NHSL1: variants seen among roughly 807,000 people sequenced by gnomAD.
NHSL1 encodes the protein NHS like 1.
NHSL1 carries 48 observed loss-of-function variants against 95.0 expected under a neutral mutation model. That is an observed-to-expected ratio of 0.51 (90% CI 0.40 to 0.64). The LOEUF (loss-of-function observed/expected upper bound fraction) is 0.64. NHSL1 is among the 30% of genes least tolerant of loss of function. The pLI, the probability that NHSL1 is intolerant of heterozygous loss-of-function variation, is 0.00. For synonymous variants in NHSL1, 783 were observed against 833.9 expected, an observed-to-expected ratio of 0.94 and a Z score of 1.05; for missense variants, 1,971 against 2,077.7, an observed-to-expected ratio of 0.95 and a Z score of 1.00.
At chr6:138,504,604 A>G (rs1780862758) in intron 1 of NHSL1, among the ~76,000 whole-genome samples, 1 of 152,154 alleles carries the variant, frequency 6.6e-6, no homozygotes, top group African/African-American at 2.4e-5. Flanking sequence ...AGATGGAGAG[A>G]GGCAGGGCAG....
intron 1 of NHSL1, among the ~76,000 whole-genome samples, chr6:138,623,005 T>C (rs6928475): frequency 0.53 from 80,194 of 151,984 alleles, 22,298 homozygotes; most frequent in African/African-American, 0.7. Flanking sequence ...GAAAGTAACA[T>C]ACGCATAATA....
intron 1 of NHSL1, among the ~76,000 whole-genome samples, chr6:138,595,636 A>G (rs1426340253): frequency 1.3e-5 from 2 of 152,230 alleles, no homozygotes; most frequent in African/African-American, 4.8e-5. Context: ...TAACTTCAAT[A>G]TCATAGGGTA....
chr6:138,503,884 C>A (rs773907809), upstream of NHSL1, among the ~76,000 whole-genome samples: 4 of 149,994 alleles, frequency 2.7e-5, no homozygotes, highest in Admixed American at 6.6e-5. Flanking sequence ...GGACTATCAT[C>A]TTTTTTTTTT....
At chr6:138,425,667 C>T (rs188747888) in intron 7 of NHSL1, among the ~76,000 whole-genome samples, 113 of 152,282 alleles carry the variant, frequency 7.4e-4, no homozygotes, top group Middle Eastern at 3.4e-3. Flanking sequence ...TCCTTTCTTT[C>T]TATGCTTCCT....
rs1383232689 is a variant in NHSL1, at chr6:138,621,181, G to GA, written c.96+71294dup. Among the ~76,000 whole-genome samples the GA allele has an allele frequency of 5.9e-5, 9 of 152,198 alleles. No homozygotes were observed. The East Asian group carries it at 1.7e-3, about 29-fold the overall frequency. ...CGGAATCCTGAATAAAGAGATTGCT[G>GA]AAAAGGGTTAGTTTTGCTACAAATG... On this transcript the variant is annotated intron_variant, in intron 1 of 3. Transcript: ENST00000491526.
chr6:138,594,569 G>A (rs906524446), intron 1 of NHSL1, among the ~76,000 whole-genome samples: 3 of 152,074 alleles, frequency 2.0e-5, no homozygotes, highest in South Asian at 2.1e-4. Flanking sequence ...CTCCACAGAT[G>A]TATGGGCCCA....
chr6:138,556,125 T>C (rs1464604412), intron 1 of NHSL1, among the ~76,000 whole-genome samples: 1 of 151,092 alleles, frequency 6.6e-6, no homozygotes, highest in Non-Finnish European at 1.5e-5. Context: ...GAGAAGAAAA[T>C]GTGTGGTCAT....
At chr6:138,530,839 C>T (rs1310364895) in intron 1 of NHSL1, among the ~76,000 whole-genome samples, 1 of 152,108 alleles carries the variant, frequency 6.6e-6, no homozygotes. Flanking sequence ...GGATAAAAGA[C>T]CACATGTTGG....
In NHSL1 at chr6:138,624,474, C is replaced by T. The variant is rs532893871; in HGVS notation, c.96+68002G>A. ...GAGTCTGGTACTCTACCTGGAGCTA[C>T]ATAGAGAATTGAGAATAATTCATTC... On this transcript the variant is annotated intron_variant, in intron 1 of 3. Coordinates refer to the NHSL1 transcript ENST00000491526. Among the ~76,000 whole-genome samples the T allele has an allele frequency of 3.9e-5, 6 of 152,038 alleles. No individual in the cohort carries two copies. In the South Asian group the frequency reaches 1.2e-3, roughly 32 times the overall value.
At chr6:138,541,460 T>A (rs1488610374) in intron 1 of NHSL1, among the ~76,000 whole-genome samples, 1 of 152,350 alleles carries the variant, frequency 6.6e-6, no homozygotes, top group Non-Finnish European at 1.5e-5. Context: ...TTTTCAACAT[T>A]GTGTAACAAT....
chr6:138,630,592 C>T (rs9495168), intron 1 of NHSL1, among the ~76,000 whole-genome samples: 14,830 of 152,126 alleles, frequency 0.097, 893 homozygotes, highest in African/African-American at 0.17. Flanking sequence ...TCCATGTTGG[C>T]CAAGCTGGTC....
chr6:138,605,273 T>C (rs1784418278), intron 1 of NHSL1, among the ~76,000 whole-genome samples: 1 of 152,210 alleles, frequency 6.6e-6, no homozygotes, highest in South Asian at 2.1e-4. Flanking sequence ...TTGCCTAGGC[T>C]GGAGTGCAGT....
At chr6:138,662,886 A>G in intron 1 of NHSL1, among the ~76,000 whole-genome samples, 1 of 152,058 alleles carries the variant, frequency 6.6e-6, no homozygotes, top group Non-Finnish European at 1.5e-5. Context: ...GCTGGAATTG[A>G]TGTATATTGG....
intron 1 of NHSL1, among the ~76,000 whole-genome samples, chr6:138,608,883 C>G (rs1253005992): frequency 6.6e-6 from 1 of 152,188 alleles, no homozygotes; most frequent in Middle Eastern, 3.2e-3. Context: ...AAGACATTTA[C>G]ACGACAGGAA....
intron 1 of NHSL1, among the ~76,000 whole-genome samples, chr6:138,565,963 A>G (rs1395309811): frequency 6.6e-6 from 1 of 150,880 alleles, no homozygotes; most frequent in Non-Finnish European, 1.5e-5. Context: ...AAAAGCAAAC[A>G]AACAAACCCC....
chr6:138,500,833 CG>C (rs1344274160), upstream of NHSL1, among the ~76,000 whole-genome samples: 1 of 151,090 alleles, frequency 6.6e-6, no homozygotes, highest in Non-Finnish European at 1.5e-5. Flanking sequence ...CACATAGAAA[CG>C]TTACCATCTT....
At chr6:138,590,412 A>G (rs186536688) in intron 1 of NHSL1, among the ~76,000 whole-genome samples, 132 of 147,112 alleles carry the variant, frequency 9.0e-4, no homozygotes, top group African/African-American at 3.4e-3. Context: ...AAAACTACAA[A>G]GAGTCAAGCC....
chr6:138,573,362 G>T (rs1783908353), upstream of NHSL1, among the ~76,000 whole-genome samples: 1 of 152,012 alleles, frequency 6.6e-6, no homozygotes, highest in African/African-American at 2.4e-5. Context: ...CGTTATTTGG[G>T]GTAAGGCAAA....
At chr6:138,604,707 C>A (rs185405761) in intron 1 of NHSL1, among the ~76,000 whole-genome samples, 1 of 152,216 alleles carries the variant, frequency 6.6e-6, no homozygotes, top group East Asian at 1.9e-4. Flanking sequence ...CTCACTGCAA[C>A]CTCTGCCTCC....
Sources: gnomAD v4.1 joint callset for allele counts (sites outside exome capture counted in the v4.1 genomes callset) on GRCh38, gnomAD v4.1.1 for gene constraint, MANE v1.5 for transcripts, NCBI Gene and HGNC (gene_info 2026-07-23, HGNC 2026-07-21) for gene names.